The following CSRNP3 variants were observed in gnomAD, a reference collection of about 807,000 sequenced individuals.
The protein encoded by CSRNP3 is cysteine/serine-rich nuclear protein 3.
Under a neutral mutation model 48.0 loss-of-function variants are expected in CSRNP3, and 12 were observed. That is an observed-to-expected ratio of 0.25 (90% CI 0.16 to 0.41). CSRNP3 has a LOEUF of 0.41. Among genes scored for constraint, CSRNP3 ranks in the 10% least tolerant of loss-of-function variants. The pLI, the probability that CSRNP3 is intolerant of heterozygous loss-of-function variation, is 1.00. For missense variants in CSRNP3, 580 were observed against 724.4 expected, an observed-to-expected ratio of 0.80 and a Z score of 2.29; for synonymous variants, 263 against 269.7, an observed-to-expected ratio of 0.98 and a Z score of 0.24.
intron 4 of CSRNP3, among the ~76,000 whole-genome samples, chr2:165,641,026 T>C (rs967132877): frequency 5.9e-5 from 9 of 152,204 alleles, no homozygotes; most frequent in African/African-American, 4.8e-5. Flanking sequence ...AAACAATCCA[T>C]TTATCTTTTA....
intron 4 of CSRNP3, among the ~76,000 whole-genome samples, chr2:165,610,968 T>C (rs1041508399): frequency 2.6e-5 from 4 of 152,120 alleles, no homozygotes; most frequent in Admixed American, 2.6e-4. Flanking sequence ...TATCAGAACA[T>C]CAATAAAGCA....
chr2:165,479,882 C>CAAAA (rs574763160), intron 1 of CSRNP3, among the ~76,000 whole-genome samples: 1 of 127,164 alleles, frequency 7.9e-6, no homozygotes, highest in East Asian at 2.2e-4. Flanking sequence ...AGACCAGTCT[C>CAAAA]AAAAAAAAAA....
chr2:165,674,871 C>G (rs1053326851), intron 5 of CSRNP3, among the ~76,000 whole-genome samples: 1 of 151,384 alleles, frequency 6.6e-6, no homozygotes, highest in Non-Finnish European at 1.5e-5. Context: ...CCACCATGCC[C>G]AGCTAATTTT....
At chr2:165,612,717 A>G (rs1209536507) in intron 4 of CSRNP3, among the ~76,000 whole-genome samples, 1 of 151,664 alleles carries the variant, frequency 6.6e-6, no homozygotes, top group Non-Finnish European at 1.5e-5. Context: ...ATTTAACATA[A>G]TGTCCTCCAG....
intron 3 of CSRNP3, among the ~76,000 whole-genome samples, chr2:165,569,406 G>A (rs1685339624): frequency 1.3e-5 from 2 of 152,014 alleles, no homozygotes; most frequent in South Asian, 4.1e-4. Flanking sequence ...ATTACTGCAA[G>A]AACTGGATAG....
At chr2:165,470,159 A>G (rs547585329) in intron 1 of CSRNP3, among the ~76,000 whole-genome samples, 1 of 152,100 alleles carries the variant, frequency 6.6e-6, no homozygotes, top group Non-Finnish European at 1.5e-5. Flanking sequence ...ATACAATATA[A>G]AATTTCATGT....
chr2:165,597,708 A>G (rs923586676), intron 4 of CSRNP3, among the ~76,000 whole-genome samples: 1 of 152,192 alleles, frequency 6.6e-6, no homozygotes, highest in Non-Finnish European at 1.5e-5. Context: ...GATAGAGTAT[A>G]GCAAAAGTAC....
Position 165,676,567 on chromosome 2 carries a change from C to G in CSRNP3, c.664C>G (p.Pro222Ala). The change falls in exon 6 of 7, where the codon CCA (proline) becomes GCA (alanine). Residue 222 changes from proline to alanine, a missense_variant. Pro to Ala is a conservative substitution (Grantham distance 27). Transcript: ENST00000651982. ...CTGTGACTGCCGAGTGTTCTGTGAT[C>G]CAGACACGTGCACCTGCAGCCTGGC... The part of the protein sequence containing the change: ...CGCDCRVFCD[P>A]DTCTCSLAGI... The G allele has an allele frequency of 5.0e-6, 8 of 1,614,028 alleles. No homozygotes were observed. Among genetic ancestry groups the G allele is most frequent in the Non-Finnish European group, 6.8e-6 (8 of 1,179,906 alleles).
intron 3 of CSRNP3, among the ~76,000 whole-genome samples, chr2:165,529,096 G>A (rs942076142): frequency 1.2e-4 from 18 of 152,304 alleles, no homozygotes; most frequent in African/African-American, 3.6e-4. Flanking sequence ...GCTCAGAAGT[G>A]CCTGCTCCCA....
intron 4 of CSRNP3, among the ~76,000 whole-genome samples, chr2:165,599,317 G>GAA (rs1553478353): frequency 1.4e-5 from 2 of 146,584 alleles, no homozygotes; most frequent in South Asian, 2.3e-4. Context: ...AAGAAAGAAA[G>GAA]AAAGAAAGAA....
At chr2:165,483,912 T>C (rs969400542) in intron 1 of CSRNP3, among the ~76,000 whole-genome samples, 5 of 151,690 alleles carry the variant, frequency 3.3e-5, no homozygotes, top group African/African-American at 9.7e-5. Flanking sequence ...TAGCATTCTA[T>C]TGAATAAATA....
chr2:165,477,466 AAT>A (rs34169125), intron 1 of CSRNP3, among the ~76,000 whole-genome samples: 8 of 131,106 alleles, frequency 6.1e-5, no homozygotes, highest in African/African-American at 1.7e-4. Context: ...TAAAAATACA[AAT>A]ATATATATAT....
intron 4 of CSRNP3, among the ~76,000 whole-genome samples, chr2:165,610,700 T>C (rs1281341484): frequency 2.0e-5 from 3 of 152,170 alleles, no homozygotes; most frequent in Non-Finnish European, 4.4e-5. Context: ...CCAGGGCTGC[T>C]TCCTTACAGG....
At chr2:165,652,056 A>G (rs1251538219) in intron 4 of CSRNP3, among the ~76,000 whole-genome samples, 1 of 152,222 alleles carries the variant, frequency 6.6e-6, no homozygotes, top group Non-Finnish European at 1.5e-5. Flanking sequence ...TATCTCTACT[A>G]TATGTGAACA....
At chr2:165,524,623 C>A (rs1201908173) in intron 3 of CSRNP3, among the ~76,000 whole-genome samples, 1 of 152,160 alleles carries the variant, frequency 6.6e-6, no homozygotes, top group Non-Finnish European at 1.5e-5. Context: ...TTACCTTCAT[C>A]CCTGGCAACT....
At chr2:165,526,600 G>A (rs1490771973) in intron 3 of CSRNP3, among the ~76,000 whole-genome samples, 1 of 152,186 alleles carries the variant, frequency 6.6e-6, no homozygotes, top group Non-Finnish European at 1.5e-5. Context: ...CATACTGAGA[G>A]AGCATCACTG....
intron 2 of CSRNP3, among the ~76,000 whole-genome samples, chr2:165,497,821 T>A (rs1684303659): frequency 6.6e-6 from 1 of 152,036 alleles, no homozygotes; most frequent in Non-Finnish European, 1.5e-5. Flanking sequence ...ACCACACAGC[T>A]CTCTGATGGT....
rs369080009 is a variant in CSRNP3, at chr2:165,679,257, G to C, written c.1262G>C (p.Ser421Thr). The C allele has an allele frequency of 3.7e-6, 6 of 1,613,804 alleles. No homozygotes were observed. The highest frequency in any genetic ancestry group is 5.1e-6 in the Non-Finnish European group (6 of 1,179,976). Residue 421 changes from serine to threonine, a missense_variant, in exon 7 of 7, where the codon AGC (serine) becomes ACC (threonine). By Grantham distance (58) the Ser-to-Thr change is moderately conservative. This residue lies in a region of CSRNP3 where 369 missense variants were observed against 380.8 expected (regional missense o/e 0.97). Transcript: ENST00000651982. ...TCTGATGGCACCGCCGTTCACGAAA[G>C]CCATGCAAAGAATGCTTCTTTTTAT... Reference protein sequence around the residue: ...CYSDGTAVHESHAKNASFYAN... With the variant: ...CYSDGTAVHETHAKNASFYAN...
chr2:165,584,585 T>C (rs1251794171), intron 3 of CSRNP3, among the ~76,000 whole-genome samples: 2 of 152,044 alleles, frequency 1.3e-5, no homozygotes, highest in African/African-American at 4.8e-5. Flanking sequence ...GCAAAGAATA[T>C]GAGAGTGCAA....
Sources: allele counts gnomAD v4.1 joint callset (sites outside exome capture counted in the v4.1 genomes callset), GRCh38; gene constraint gnomAD v4.1.1; regional missense constraint gnomAD v4.1.1; transcripts MANE v1.5; gene names NCBI Gene and HGNC (gene_info 2026-07-23, HGNC 2026-07-21).